The following TGFBR3 variants were observed in gnomAD, a reference collection of about 807,000 sequenced individuals.
The protein encoded by TGFBR3 is transforming growth factor beta receptor 3, also known as transforming growth factor beta receptor type 3.
TGFBR3 carries 46 observed loss-of-function variants against 87.9 expected under a neutral mutation model. That is an observed-to-expected ratio of 0.52 (90% CI 0.41 to 0.67). The LOEUF (loss-of-function observed/expected upper bound fraction) is 0.67, where lower values mean the gene tolerates loss of function less well. Ranked by LOEUF, TGFBR3 falls within the 30% of genes least tolerant of loss-of-function variation. The probability of loss-of-function intolerance (pLI) is 0.00; values close to 1 mark genes in which losing one functional copy is unlikely to be tolerated. For missense variants in TGFBR3, 866 were observed against 1,041.9 expected, an observed-to-expected ratio of 0.83 and a Z score of 2.32; for synonymous variants, 381 against 391.6, an observed-to-expected ratio of 0.97 and a Z score of 0.32.
At chr1:91,866,389 T>C (rs991417614) in intron 1 of TGFBR3, among the ~76,000 whole-genome samples, 1 of 152,138 alleles carries the variant, frequency 6.6e-6, no homozygotes, top group African/African-American at 2.4e-5. Context: ...AGAGAAAAAG[T>C]CCTAGATTTG....
chr1:91,883,953 C>A (rs1216702331), intron 1 of TGFBR3, among the ~76,000 whole-genome samples: 2 of 152,114 alleles, frequency 1.3e-5, no homozygotes, highest in African/African-American at 4.8e-5. Flanking sequence ...TGTGCCAACC[C>A]CAAGCTGTTT....
chr1:91,902,126 A>T (rs1429053817), intron 1 of TGFBR3, among the ~76,000 whole-genome samples: 1 of 152,192 alleles, frequency 6.6e-6, no homozygotes, highest in African/African-American at 2.4e-5. Context: ...ACTGAGGTAC[A>T]AACATCTGCC....
At chr1:91,835,791 G>T (rs1255186720) in intron 2 of TGFBR3, among the ~76,000 whole-genome samples, 1 of 126,640 alleles carries the variant, frequency 7.9e-6, no homozygotes, top group Non-Finnish European at 1.6e-5. Flanking sequence ...TTGTGCCACT[G>T]TACTCCAGTC....
chr1:91,783,376 G>A (rs1674842603), intron 3 of TGFBR3: 1 of 152,194 alleles, frequency 6.6e-6, no homozygotes, highest in Non-Finnish European at 1.5e-5. Context: ...TTTCAGACAA[G>A]GCCAAGGAGC....
chr1:91,782,543 G>T (rs1221980543), intron 3 of TGFBR3, among the ~76,000 whole-genome samples: 1 of 152,174 alleles, frequency 6.6e-6, no homozygotes, highest in Non-Finnish European at 1.5e-5. Context: ...GTTGAGAGGA[G>T]GAGCAGAGGA....
chr1:91,754,174 T>C (rs1420367077), intron 4 of TGFBR3, among the ~76,000 whole-genome samples: 1 of 152,076 alleles, frequency 6.6e-6, no homozygotes, highest in Admixed American at 6.6e-5. Flanking sequence ...TGTATTTAAA[T>C]TGTAGTATGT....
intron 2 of TGFBR3, among the ~76,000 whole-genome samples, chr1:91,812,707 G>A (rs1415194074): frequency 6.6e-6 from 1 of 152,112 alleles, no homozygotes; most frequent in Non-Finnish European, 1.5e-5. Flanking sequence ...CCGCCTCCCG[G>A]GTTCAAGCAA....
intron 4 of TGFBR3, among the ~76,000 whole-genome samples, chr1:91,736,432 C>A (rs1672970003): frequency 6.9e-6 from 1 of 145,630 alleles, no homozygotes; most frequent in Non-Finnish European, 1.5e-5. Flanking sequence ...CTACTCACAA[C>A]AGCTACCACT....
At chr1:91,887,236 C>CTT (rs71087977), upstream of TGFBR3, among the ~76,000 whole-genome samples, 138 of 41,384 alleles carry the variant, frequency 3.3e-3, 26 homozygotes, top group African/African-American at 0.016. Flanking sequence ...GGACCTATGC[C>CTT]TTTTTTTTTT....
intron 12 of TGFBR3, among the ~76,000 whole-genome samples, chr1:91,713,473 T>C (rs1392665615): frequency 2.0e-5 from 3 of 152,184 alleles, no homozygotes; most frequent in African/African-American, 7.2e-5. Flanking sequence ...CCTCATTCTT[T>C]GACTAAATTT....
At chr1:91,699,001 G>A (rs1671526063) in intron 14 of TGFBR3, among the ~76,000 whole-genome samples, 1 of 147,620 alleles carries the variant, frequency 6.8e-6, no homozygotes, top group Non-Finnish European at 1.5e-5. Context: ...GAATATTCTA[G>A]AGCCCAGAGC....
chr1:91,739,072 GA>G (rs1167823687), intron 4 of TGFBR3, among the ~76,000 whole-genome samples: 1 of 152,200 alleles, frequency 6.6e-6, no homozygotes, highest in African/African-American at 2.4e-5. Context: ...AGGTTGGTAG[GA>G]CACAGGGCTG....
intron 16 of TGFBR3, among the ~76,000 whole-genome samples, chr1:91,687,565 A>G (rs1416112077): frequency 6.6e-6 from 1 of 152,176 alleles, no homozygotes; most frequent in Non-Finnish European, 1.5e-5. Flanking sequence ...CTGTGGGGAA[A>G]CAAGAGAAGA....
rs541299639 is a variant in TGFBR3, at chr1:91,885,652, G to A, written c.-114+226C>T. ...CATCGCCGGGGGCACTGCCTGCCCCGTGCGGCCGCTGCCCACGCACCGCTG... is the reference window on the plus strand; with the variant it reads ...CATCGCCGGGGGCACTGCCTGCCCCATGCGGCCGCTGCCCACGCACCGCTG... On this transcript the variant is annotated intron_variant, in intron 1 of 16. Coordinates refer to ENST00000212355, the MANE Select transcript of TGFBR3 (RefSeq NM_003243.5). Among the ~76,000 whole-genome samples the A allele has an allele frequency of 7.9e-5, 12 of 152,284 alleles. No homozygotes were observed. The South Asian group carries it at 2.5e-3, about 32-fold the overall frequency.
chr1:91,874,897 ACTGCTCT>A (rs1370320638), intron 1 of TGFBR3, among the ~76,000 whole-genome samples: 1 of 152,194 alleles, frequency 6.6e-6, no homozygotes, highest in African/African-American at 2.4e-5. Context: ...GAAGAGAAAC[ACTGCTCT>A]CTGGTTGTTC....
At chr1:91,904,411 CTTT>C in intron 1 of TGFBR3, among the ~76,000 whole-genome samples, 1 of 133,782 alleles carries the variant, frequency 7.5e-6, no homozygotes, top group South Asian at 2.5e-4. Context: ...ACCTAAAATT[CTTT>C]TTTTTTTTTT....
chr1:91,836,394 G>A (rs1677065821), intron 2 of TGFBR3, among the ~76,000 whole-genome samples: 1 of 150,234 alleles, frequency 6.7e-6, no homozygotes, highest in Non-Finnish European at 1.5e-5. Context: ...AAACAACCCA[G>A]GGAGATGGAT....
rs138472624 is a variant in TGFBR3 at position 91,767,879 on chromosome 1, G to A, written c.247-9129C>T. Among the ~76,000 whole-genome samples, 19 of 124,910 alleles carry A rather than the reference G, an allele frequency of 1.5e-4. No homozygotes were observed. The East Asian group carries it at 3.3e-3, about 22-fold the overall frequency. 81.9% of individuals were successfully genotyped at this position (124,910 alleles called of 152,430 possible). ...AATTACTGTTTTGTATTTTCACATT[G>A]GATCACAGAAAAAAAAAAAAAAAGC... On this transcript the variant is annotated intron_variant, in intron 3 of 16. Coordinates refer to ENST00000212355, the MANE Select transcript of TGFBR3 (RefSeq NM_003243.5).
chr1:91,735,932 G>C (rs1274536700), intron 4 of TGFBR3, among the ~76,000 whole-genome samples: 3 of 152,142 alleles, frequency 2.0e-5, no homozygotes, highest in Admixed American at 2.0e-4. Context: ...AATTTCACAT[G>C]AACCATTTAT....
Sources: allele counts gnomAD v4.1 joint callset (sites outside exome capture counted in the v4.1 genomes callset), GRCh38; gene constraint gnomAD v4.1.1; transcripts MANE v1.5; gene names NCBI Gene and HGNC (gene_info 2026-07-23, HGNC 2026-07-21).